Variants in CNTNAP4 observed in about 807,000 individuals in gnomAD.
CNTNAP4 encodes contactin associated protein family member 4, also known as contactin-associated protein-like 4.
A neutral mutation model predicts 148.4 loss-of-function variants in CNTNAP4; 98 were observed. That is an observed-to-expected ratio of 0.66 (90% CI 0.56 to 0.78). CNTNAP4 has a LOEUF of 0.78. CNTNAP4 is among the 30% of genes least tolerant of loss of function. The pLI, the probability that CNTNAP4 is intolerant of heterozygous loss-of-function variation, is 0.00. For missense variants in CNTNAP4, 1,935 were observed against 1,565.6 expected (o/e 1.24, Z -3.98); for synonymous variants, 730 against 565.1 (o/e 1.29, Z -4.14).
chr16:76,471,790 G>C (rs2081387134), intron 10 of CNTNAP4, among the ~76,000 whole-genome samples: 1 of 152,180 alleles, frequency 6.6e-6, no homozygotes, highest in African/African-American at 2.4e-5. Flanking sequence ...GCGAGGGCTA[G>C]GGATATGAGG....
At position 76,428,785 on chromosome 16, in the gene CNTNAP4, A is replaced by C. The variant is rs13339573; in HGVS notation, c.538+1186A>C. Among the ~76,000 whole-genome samples, 717 of 152,274 alleles carry C rather than the reference A, an allele frequency of 4.7e-3. 4 individuals are homozygous for C. Among genetic ancestry groups the C allele is most frequent in the African/African-American group, 0.016 (660 of 41,564 alleles). On this transcript the variant is annotated intron_variant, in intron 4 of 23. Transcript: ENST00000611870. ...TAACACTAATAGTAATATTAATAGC[A>C]TTCCTTTCTATAACTGTAGAAATAG...
chr16:76,374,752 T>G (rs2015234124), intron 3 of CNTNAP4, among the ~76,000 whole-genome samples: 1 of 114,014 alleles, frequency 8.8e-6, no homozygotes, highest in Non-Finnish European at 2.0e-5. Context: ...CTATTATTAT[T>G]ATTATTATTA....
intron 2 of CNTNAP4, among the ~76,000 whole-genome samples, chr16:76,349,089 A>C (rs1057004936): frequency 2.6e-5 from 4 of 152,134 alleles, no homozygotes; most frequent in Non-Finnish European, 4.4e-5. Flanking sequence ...AACACTCTGC[A>C]GGCACAGCAG....
intron 3 of CNTNAP4, among the ~76,000 whole-genome samples, chr16:76,396,699 T>A (rs144587372): frequency 6.6e-6 from 1 of 152,168 alleles, no homozygotes; most frequent in Non-Finnish European, 1.5e-5. Context: ...CCCATCTTTG[T>A]CAGCATCCTT....
chr16:76,388,809 G>A lies in CNTNAP4; in HGVS notation c.390+33298G>A, dbSNP rs72794966. On this transcript the variant is annotated intron_variant, in intron 3 of 23. Transcript: ENST00000611870. ...AAGGAAATGGGAATCAGAGACTTTT[G>A]TAGGTCATATAATTAAGGCAGTACC... Among the ~76,000 whole-genome samples the A allele has an allele frequency of 8.3e-3, 1,258 of 152,240 alleles. 6 individuals carry two copies. The highest frequency in any genetic ancestry group is 0.013 in the Non-Finnish European group (859 of 67,998).
intron 2 of CNTNAP4, among the ~76,000 whole-genome samples, chr16:76,317,277 C>A (rs866540975): frequency 0.01 from 856 of 84,842 alleles, 3 homozygotes; most frequent in African/African-American, 0.037. Context: ...AAAAAAAAAA[C>A]CAAAAAAAAA....
intron 21 of CNTNAP4, among the ~76,000 whole-genome samples, chr16:76,549,146 G>A (rs1431357975): frequency 1.3e-5 from 2 of 152,080 alleles, no homozygotes; most frequent in African/African-American, 4.8e-5. Flanking sequence ...AAGTCCGGGG[G>A]CCAGCCTAGA....
At chr16:76,446,579 CAGAA>C (rs1020261047) in intron 4 of CNTNAP4, among the ~76,000 whole-genome samples, 6 of 151,994 alleles carry the variant, frequency 3.9e-5, no homozygotes, top group Non-Finnish European at 7.4e-5. Flanking sequence ...ATAAGACAGT[CAGAA>C]AGTTGAAAAA....
At chr16:76,509,604 A>G (rs1047630636) in intron 15 of CNTNAP4, among the ~76,000 whole-genome samples, 2 of 97,600 alleles carry the variant, frequency 2.0e-5, no homozygotes, top group African/African-American at 5.1e-5. Flanking sequence ...GAGTCACTAC[A>G]TTTTATATTA....
chr16:76,534,196 G>A (rs1246328399), intron 17 of CNTNAP4, among the ~76,000 whole-genome samples: 1 of 152,040 alleles, frequency 6.6e-6, no homozygotes, highest in Non-Finnish European at 1.5e-5. Flanking sequence ...GTATATTGTG[G>A]TTTAACAAAT....
intron 3 of CNTNAP4, among the ~76,000 whole-genome samples, chr16:76,368,226 C>T (rs1418119911): frequency 6.6e-6 from 1 of 152,120 alleles, no homozygotes; most frequent in East Asian, 1.9e-4. Context: ...AGGAAAAAAG[C>T]TACAGCTTAG....
intron 17 of CNTNAP4, among the ~76,000 whole-genome samples, chr16:76,526,372 A>C (rs2144157281): frequency 6.6e-6 from 1 of 152,256 alleles, no homozygotes; most frequent in South Asian, 2.1e-4. Context: ...CATGGCGAGG[A>C]CTATGGATTT....
chr16:76,350,235 C>T (rs1192103606), intron 2 of CNTNAP4, among the ~76,000 whole-genome samples: 2 of 152,088 alleles, frequency 1.3e-5, no homozygotes, highest in African/African-American at 4.8e-5. Context: ...TGTAAAGTGA[C>T]ATCCTCCCAC....
chr16:76,515,992 G>A (rs1157671631), intron 15 of CNTNAP4, among the ~76,000 whole-genome samples: 5 of 152,130 alleles, frequency 3.3e-5, no homozygotes, highest in African/African-American at 7.2e-5. Context: ...TGTCACATAG[G>A]TGTGTATGTG....
In CNTNAP4 at chr16:76,296,283, ATAATGTTTT is replaced by A. The variant is rs1256100069; in HGVS notation, c.85+18537_85+18545del. ...TGATTCTTCCGCAACACAGAGCATT[ATAATGTTTT>A]CCTGCCTTCCATTCAAATACCTACC... On this transcript the variant is annotated intron_variant, in intron 1 of 23. Transcript: ENST00000611870. Among the ~76,000 whole-genome samples the A allele has an allele frequency of 4.6e-5, 7 of 152,210 alleles. 1 individual carries two copies. Among genetic ancestry groups the A allele is most frequent in the Non-Finnish European group, 1.0e-4 (7 of 68,034 alleles).
chr16:76,340,728 C>G (rs549810755), intron 2 of CNTNAP4, among the ~76,000 whole-genome samples: 9 of 152,182 alleles, frequency 5.9e-5, no homozygotes, highest in Admixed American at 2.6e-4. Flanking sequence ...ACTTTCGTGG[C>G]GTTTGCCTGC....
chr16:76,498,589 GCTTATAAAGAACAT>G lies in CNTNAP4; in HGVS notation c.2264_2277del (p.Tyr755SerfsTer4). On this transcript the variant is annotated frameshift_variant, in exon 15 of 24. Coordinates refer to ENST00000611870, the MANE Select transcript of CNTNAP4 (RefSeq NM_033401.5). LOFTEE classifies it high-confidence loss of function. ...TAGGACCAATGACACTGGATTGCTT[GCTTATAAAGAACAT>G]CTTCCAGTAACTAAGATCGTGATTA... is the stretch of plus-strand genomic sequence containing the variant. 6.2e-7 allele frequency: 1 copy of G among 1,612,052 alleles called. No homozygotes were observed. The highest frequency in any genetic ancestry group is 1.1e-5 in the South Asian group (1 of 90,518).
chr16:76,493,466 T>G (rs1343430498), intron 13 of CNTNAP4, among the ~76,000 whole-genome samples: 2 of 123,976 alleles, frequency 1.6e-5, no homozygotes, highest in Non-Finnish European at 3.4e-5. Context: ...ATTCATTCCT[T>G]TACTTATTTA....
chr16:76,427,695 A>G, intron 4 of CNTNAP4, 96 bp downstream of exon 4: 1 of 1,123,808 alleles, frequency 8.9e-7, no homozygotes, highest in Non-Finnish European at 1.2e-6. Flanking sequence ...AGCTACATAA[A>G]GAGGTATAAA....
Sources: allele counts gnomAD v4.1 joint callset (sites outside exome capture counted in the v4.1 genomes callset), GRCh38; gene constraint gnomAD v4.1.1; transcripts MANE v1.5; gene names NCBI Gene and HGNC (gene_info 2026-07-23, HGNC 2026-07-21).